The following TRABD2A variants were observed in gnomAD, a reference collection of about 807,000 sequenced individuals.
TRABD2A encodes the protein metalloprotease TIKI1.
TRABD2A carries 43 observed loss-of-function variants against 45.6 expected under a neutral mutation model. The observed-to-expected ratio is 0.94, with a 90% CI of 0.74 to 1.22. The LOEUF (loss-of-function observed/expected upper bound fraction) is 1.22. Among genes scored for constraint, TRABD2A ranks in the 50% most tolerant of loss-of-function variants. The pLI, the probability that TRABD2A is intolerant of heterozygous loss-of-function variation, is 0.00. For missense variants in TRABD2A, 642 were observed against 652.4 expected, an observed-to-expected ratio of 0.98 and a Z score of 0.17; for synonymous variants, 269 against 265.0, an observed-to-expected ratio of 1.02 and a Z score of -0.15.
chr2:84,869,253 C>G (rs1483234062), intron 2 of TRABD2A, among the ~76,000 whole-genome samples: 2 of 152,170 alleles, frequency 1.3e-5, no homozygotes, highest in Non-Finnish European at 1.5e-5. Flanking sequence ...CAACGTGACC[C>G]AATGAGAACA....
chr2:84,829,876 TACAC>T (rs140126886), intron 5 of TRABD2A, among the ~76,000 whole-genome samples: 2 of 132,124 alleles, frequency 1.5e-5, no homozygotes, highest in African/African-American at 2.9e-5. Flanking sequence ...ACATGCACAC[TACAC>T]ACACACACAT....
intron 2 of TRABD2A, among the ~76,000 whole-genome samples, chr2:84,849,881 T>C (rs551541786): frequency 6.6e-6 from 1 of 152,306 alleles, no homozygotes; most frequent in East Asian, 1.9e-4. Flanking sequence ...GCTGTTGAGG[T>C]GTTGGCAGAA....
rs1486809713 is a variant in TRABD2A, at chr2:84,874,794, G to T, written c.109-4009C>A. The T allele has an allele frequency of 1.3e-5, 3 of 237,470 alleles. No homozygotes were observed. In the South Asian group the frequency reaches 1.9e-4, roughly 15 times the overall value. 14.7% of individuals were successfully genotyped at this position (237,470 alleles called of 1,614,324 possible). A position where few individuals can be genotyped will look rare whatever the true frequency, so the allele number is the denominator to read the frequency against. ...GGGGTCTGAGGACTACAGTGAAACTGACCATTCAGAACAGAGAGGCCCAGA... is the reference window on the plus strand; with the variant it reads ...GGGGTCTGAGGACTACAGTGAAACTTACCATTCAGAACAGAGAGGCCCAGA... On this transcript the variant is annotated intron_variant, in intron 1 of 6. Transcript: ENST00000409520.
chr2:84,873,295 A>G (rs978566635), intron 1 of TRABD2A, among the ~76,000 whole-genome samples: 2 of 151,700 alleles, frequency 1.3e-5, no homozygotes, highest in Non-Finnish European at 2.9e-5. Context: ...AAGCGCCTGT[A>G]GTCCCAGCTA....
chr2:84,865,202 C>T (rs1185884953), intron 2 of TRABD2A, among the ~76,000 whole-genome samples: 2 of 151,748 alleles, frequency 1.3e-5, no homozygotes, highest in South Asian at 2.1e-4. Flanking sequence ...TGAGCCCAAA[C>T]CACTATTGAA....
intron 4 of TRABD2A, chr2:84,836,719 C>T (rs1435658065): frequency 1.3e-5 from 2 of 152,056 alleles, no homozygotes; most frequent in Non-Finnish European, 2.9e-5. Context: ...AAGATCTATT[C>T]ATTTTTCTTC....
At chr2:84,831,609 G>T (rs1681340878) in intron 5 of TRABD2A, among the ~76,000 whole-genome samples, 2 of 151,606 alleles carry the variant, frequency 1.3e-5, no homozygotes, top group South Asian at 4.2e-4. Context: ...TCCTGCCCCT[G>T]AGAAGGGTGA....
chr2:84,841,755 C>T (rs1019979185), intron 3 of TRABD2A, 106 bp downstream of exon 3: 1 of 1,248,044 alleles, frequency 8.0e-7, no homozygotes, highest in Non-Finnish European at 1.0e-6. Flanking sequence ...TTCTAGAGCC[C>T]TCATGACCTC....
At chr2:84,853,127 C>T (rs1365899) in intron 2 of TRABD2A, among the ~76,000 whole-genome samples, 34,592 of 151,784 alleles carry the variant, frequency 0.23, 4,557 homozygotes, top group African/African-American at 0.36. Flanking sequence ...AATATGACTG[C>T]GTCCTTATAA....
intron 1 of TRABD2A, among the ~76,000 whole-genome samples, 158 bp downstream of exon 1, chr2:84,880,774 G>C (rs962868607): frequency 9.9e-5 from 15 of 152,240 alleles, no homozygotes; most frequent in African/African-American, 3.6e-4. Flanking sequence ...CCGAGGGCAC[G>C]GAGAGGAGAG....
chr2:84,829,187 G>A (rs569896356), intron 5 of TRABD2A, among the ~76,000 whole-genome samples: 1 of 152,134 alleles, frequency 6.6e-6, no homozygotes, highest in Admixed American at 6.5e-5. Context: ...ACCACCTGAT[G>A]ATCCACCAAT....
intron 4 of TRABD2A, chr2:84,834,579 A>C (rs568383296): frequency 6.6e-6 from 1 of 152,492 alleles, no homozygotes; most frequent in South Asian, 2.1e-4. Context: ...GGCAACCACT[A>C]ATCTATGAAT....
intron 2 of TRABD2A, among the ~76,000 whole-genome samples, chr2:84,850,473 A>C (rs532925393): frequency 6.6e-6 from 1 of 152,202 alleles, no homozygotes; most frequent in African/African-American, 2.4e-5. Context: ...GGGGGCAAGA[A>C]CCAATGGGCG....
At chr2:84,851,108 A>G (rs1392879027) in intron 2 of TRABD2A, 3 of 152,292 alleles carry the variant, frequency 2.0e-5, no homozygotes, top group African/African-American at 7.2e-5. Context: ...CTTCAGATAC[A>G]CAGAAAGGCC....
chr2:84,823,565 G>A (rs1008222071), intron 6 of TRABD2A, among the ~76,000 whole-genome samples: 2 of 152,134 alleles, frequency 1.3e-5, no homozygotes, highest in South Asian at 4.2e-4. Context: ...CTTACAATGT[G>A]GGGGTTAAAC....
At chr2:84,844,200 T>C (rs1164438089) in intron 2 of TRABD2A, among the ~76,000 whole-genome samples, 3 of 152,124 alleles carry the variant, frequency 2.0e-5, no homozygotes, top group Admixed American at 6.5e-5. Context: ...CCAAATCTCA[T>C]CTTGAATTGT....
At chr2:84,854,317 T>A (rs1282652880) in intron 2 of TRABD2A, among the ~76,000 whole-genome samples, 2 of 152,120 alleles carry the variant, frequency 1.3e-5, no homozygotes, top group African/African-American at 4.8e-5. Context: ...GAGGGACAAC[T>A]GTACAGGCTA....
At chr2:84,829,618 A>ATAC (rs36192721) in intron 5 of TRABD2A, among the ~76,000 whole-genome samples, 18,910 of 124,468 alleles carry the variant, frequency 0.15, 1,205 homozygotes, top group African/African-American at 0.19. Context: ...ACACACCACA[A>ATAC]CACAACGCAA....
chr2:84,843,404 T>C (rs1681776036), intron 2 of TRABD2A, among the ~76,000 whole-genome samples: 6 of 152,214 alleles, frequency 3.9e-5, no homozygotes. Context: ...TCCTTTCACA[T>C]GTTCTCCTCA....
Sources: allele counts gnomAD v4.1 joint callset (sites outside exome capture counted in the v4.1 genomes callset), GRCh38; gene constraint gnomAD v4.1.1; transcripts MANE v1.5; gene names NCBI Gene and HGNC (gene_info 2026-07-23, HGNC 2026-07-21).